The following TUBD1 variants were observed in gnomAD, a reference collection of about 807,000 sequenced individuals.
TUBD1 encodes tubulin delta chain.
TUBD1 carries 38 observed loss-of-function variants against 51.2 expected under a neutral mutation model. That is an observed-to-expected ratio of 0.74 (90% CI 0.57 to 0.97). TUBD1 has a LOEUF of 0.97. Among genes scored for constraint, TUBD1 ranks in the 50% least tolerant of loss-of-function variants. The pLI, the probability that TUBD1 is intolerant of heterozygous loss-of-function variation, is 0.00. For synonymous variants in TUBD1, 169 were observed against 178.2 expected (o/e 0.95, Z 0.41); for missense variants, 489 against 538.4 (o/e 0.91, Z 0.91).
chr17:59,870,907 C>T (rs147483718), intron 6 of TUBD1, among the ~76,000 whole-genome samples: 280 of 152,280 alleles, frequency 1.8e-3, no homozygotes, highest in African/African-American at 6.4e-3. Flanking sequence ...AAAGATGCAA[C>T]AGTAAACCAA....
At chr17:59,871,660 G>A (rs2039987581) in intron 6 of TUBD1, among the ~76,000 whole-genome samples, 2 of 152,194 alleles carry the variant, frequency 1.3e-5, no homozygotes, top group South Asian at 4.1e-4. Context: ...AGAGATGCCA[G>A]GGCTGGCTGC....
intron 1 of TUBD1, among the ~76,000 whole-genome samples, chr17:59,892,246 C>G (rs968562641): frequency 1.3e-5 from 2 of 152,024 alleles, no homozygotes; most frequent in South Asian, 2.1e-4. Context: ...AGAAAGAAAA[C>G]CAGATGAAAT....
At chr17:59,889,787 T>C (rs897206637) in intron 2 of TUBD1, among the ~76,000 whole-genome samples, 16 of 150,046 alleles carry the variant, frequency 1.1e-4, no homozygotes, top group African/African-American at 2.9e-4. Flanking sequence ...CTGGCCAACA[T>C]GGCAAAACCC....
intron 6 of TUBD1, 43 bp downstream of exon 6, chr17:59,874,496 T>G: frequency 6.3e-7 from 1 of 1,591,400 alleles, no homozygotes; most frequent in Non-Finnish European, 8.5e-7. Context: ...GGACAGACAT[T>G]TTTTCCAGCT....
Position 59,884,927 on chromosome 17 carries a change from A to C in TUBD1, c.320+1156T>G, listed in dbSNP as rs187981849. The C allele has an allele frequency of 4.0e-3, 830 of 206,458 alleles. 23 individuals are homozygous for C. Among genetic ancestry groups the C allele is most frequent in the Admixed American group, 0.039 (709 of 18,094 alleles). 12.8% of individuals were successfully genotyped at this position (206,458 alleles called of 1,614,324 possible). A position where few individuals can be genotyped will look rare whatever the true frequency, so the allele number is the denominator to read the frequency against. On this transcript the variant is annotated intron_variant, in intron 3 of 8. Coordinates refer to ENST00000325752, the MANE Select transcript of TUBD1 (RefSeq NM_016261.4). Reference sequence around the variant, plus strand: ...GACAGAACGAGACTCTGTCTCTTAAAAAAAAAAACACCAAAAACCCAACAT... The same window carrying C: ...GACAGAACGAGACTCTGTCTCTTAACAAAAAAAACACCAAAAACCCAACAT...
intron 5 of TUBD1, among the ~76,000 whole-genome samples, 175 bp downstream of exon 5, chr17:59,877,928 A>G (rs2040300535): frequency 6.6e-6 from 1 of 152,160 alleles, no homozygotes; most frequent in African/African-American, 2.4e-5. Context: ...CCCTTTAGCA[A>G]CTTCTCAAAG....
chr17:59,887,261 A>G (rs2040779116), intron 2 of TUBD1, among the ~76,000 whole-genome samples: 1 of 151,978 alleles, frequency 6.6e-6, no homozygotes, highest in Admixed American at 6.6e-5. Flanking sequence ...AATCTCAGCT[A>G]CTCAGGAGGC....
intron 4 of TUBD1, among the ~76,000 whole-genome samples, chr17:59,880,583 T>C (rs1352383419): frequency 6.6e-6 from 1 of 152,036 alleles, no homozygotes. Flanking sequence ...AGCGCGATCT[T>C]GGCTCACTGC....
chr17:59,890,275 C>T (rs746148338), intron 2 of TUBD1, among the ~76,000 whole-genome samples: 12 of 152,058 alleles, frequency 7.9e-5, no homozygotes, highest in Admixed American at 5.9e-4. Context: ...GATGGAGTCT[C>T]GCTCTGTCAC....
chr17:59,883,065 G>A (rs751383161), intron 3 of TUBD1, among the ~76,000 whole-genome samples: 2 of 151,818 alleles, frequency 1.3e-5, no homozygotes, highest in South Asian at 2.1e-4. Flanking sequence ...GATCACAAGC[G>A]AGAGCCACCA....
intron 4 of TUBD1, among the ~76,000 whole-genome samples, chr17:59,880,200 A>T (rs942294777): frequency 1.3e-5 from 2 of 152,100 alleles, no homozygotes; most frequent in African/African-American, 4.8e-5. Context: ...CTGAGACTAC[A>T]GGCCAGCGCC....
In TUBD1 at chr17:59,860,208, G is replaced by C. The variant is rs2039374554; in HGVS notation, c.*114C>G. 3 of 751,732 alleles carry C rather than the reference G, an allele frequency of 4.0e-6. No individual in the cohort carries two copies. Among genetic ancestry groups the C allele is most frequent in the South Asian group, 1.9e-5 (1 of 52,004 alleles). 46.6% of individuals were successfully genotyped at this position (751,732 alleles called of 1,614,324 possible). On this transcript the variant is annotated 3_prime_UTR_variant, in exon 9 of 9. Coordinates refer to ENST00000325752, the MANE Select transcript of TUBD1 (RefSeq NM_016261.4). ...TTTTTTGTATTTTCTGGTAGAGACG[G>C]TGTTTCACCGTGTTAGCCAGGATGG...
Position 59,880,955 on chromosome 17 carries a change from T to G in TUBD1, c.476A>C (p.Glu159Ala). The G allele has an allele frequency of 6.2e-7, 1 of 1,614,188 alleles. No homozygotes were observed. Among genetic ancestry groups the G allele is most frequent in the Non-Finnish European group, 8.5e-7 (1 of 1,180,032 alleles). Residue 159 changes from glutamate (E) to alanine (A), a missense_variant, in exon 4 of 9, where the codon GAA becomes GCA. Transcript: ENST00000325752. Reference protein sequence around the residue: ...GLGAFVTQNLEDQYSNSLKMN... With the variant: ...GLGAFVTQNLADQYSNSLKMN... Reference sequence around the variant, plus strand: ...TTTCAATGAGTTTGAGTACTGATCTTCTAAATTCTGTGTAACGAAAGCTCC... The same window carrying G: ...TTTCAATGAGTTTGAGTACTGATCTGCTAAATTCTGTGTAACGAAAGCTCC...
chr17:59,879,687 C>G (rs896725201), intron 4 of TUBD1, among the ~76,000 whole-genome samples: 5 of 152,056 alleles, frequency 3.3e-5, no homozygotes, highest in Admixed American at 3.3e-4. Flanking sequence ...CTGCCCATCT[C>G]AGCCTCCCAA....
chr17:59,881,857 C>T lies in TUBD1; in HGVS notation c.321-747G>A, dbSNP rs62081832. 2.4e-4 allele frequency among the ~76,000 whole-genome samples: 36 copies of T among 151,978 alleles called. No homozygotes were observed. The East Asian group carries it at 2.5e-3, about 11-fold the overall frequency. ...CTAATTTTTGTATTTTTAGTAGAGA[C>T]GGGGTTTCACCATGTTGGCCAGGCT... On this transcript the variant is annotated intron_variant, in intron 3 of 8. Transcript: ENST00000325752.
At chr17:59,871,298 C>A (rs994627900) in intron 6 of TUBD1, among the ~76,000 whole-genome samples, 9 of 152,236 alleles carry the variant, frequency 5.9e-5, no homozygotes, top group South Asian at 4.1e-4. Context: ...CTCCCAAGTT[C>A]AAGCAATTCT....
rs746258625 is a variant in TUBD1, at chr17:59,878,207, A to C, written c.665T>G (p.Ile222Ser). ...ICAKLMNIKQ[I>S]SFSDINQVLA... Reference sequence around the variant, plus strand: ...GACTTGATTGATATCACTAAAGGAGATCTGCTTGATATTCATCAGTTTTGC... The same window carrying C: ...GACTTGATTGATATCACTAAAGGAGCTCTGCTTGATATTCATCAGTTTTGC... Residue 222 changes from isoleucine (I) to serine (S), a missense_variant, in exon 5 of 9, where the codon ATC becomes AGC. By Grantham distance (142) the Ile-to-Ser change is moderately radical. Transcript: ENST00000325752. The C allele has an allele frequency of 6.2e-7, 1 of 1,614,092 alleles. No homozygotes were observed. The highest frequency in any genetic ancestry group is 1.7e-5 in the Admixed American group (1 of 59,978).
Position 59,860,318 on chromosome 17 carries a change from A to C in TUBD1, c.*4T>G, listed in dbSNP as rs752563771. On this transcript the variant is annotated 3_prime_UTR_variant, in exon 9 of 9. Coordinates refer to ENST00000325752, the MANE Select transcript of TUBD1 (RefSeq NM_016261.4). ...TTAAGGTATACTTTTCCCATTGTTCAAGATCAGAGATTACAGTAACTGGCA... is the reference window on the plus strand; with the variant it reads ...TTAAGGTATACTTTTCCCATTGTTCCAGATCAGAGATTACAGTAACTGGCA... 3 of 1,590,182 alleles carry C rather than the reference A, an allele frequency of 1.9e-6. No homozygotes were observed. In the African/African-American group the frequency reaches 4.0e-5, roughly 21 times the overall value.
intron 2 of TUBD1, 36 bp from the exon 3 acceptor site, chr17:59,886,266 A>G (rs769240494): frequency 1.2e-5 from 19 of 1,591,758 alleles, no homozygotes; most frequent in African/African-American, 2.7e-5. Context: ...CATCGAAAGA[A>G]AAAAAGATTT....
Sources: gnomAD v4.1 joint callset for allele counts (sites outside exome capture counted in the v4.1 genomes callset) on GRCh38, gnomAD v4.1.1 for gene constraint, MANE v1.5 for transcripts, NCBI Gene and HGNC (gene_info 2026-07-23, HGNC 2026-07-21) for gene names.